WDR62: variants seen among roughly 807,000 people sequenced by gnomAD.
The protein encoded by WDR62 is WD repeat-containing protein 62.
A neutral mutation model predicts 160.6 loss-of-function variants in WDR62; 112 were observed. The ratio of observed to expected loss-of-function variants is 0.70; its 90% CI spans 0.60 to 0.82. The LOEUF (loss-of-function observed/expected upper bound fraction) is 0.82, where lower values mean the gene tolerates loss of function less well. Ranked by LOEUF, WDR62 falls within the 40% of genes least tolerant of loss-of-function variation. WDR62 has a pLI of 0.00. For missense variants in WDR62, 1,819 were observed against 1,983.8 expected (o/e 0.92, Z 1.58); for synonymous variants, 792 against 815.1 (o/e 0.97, Z 0.48).
At chr19:36,058,682 G>A in intron 1 of WDR62, 98 bp from the exon 2 acceptor site, 1 of 857,120 alleles carries the variant, frequency 1.2e-6, no homozygotes, top group Non-Finnish European at 2.0e-6. Context: ...CTCAGTGTGG[G>A]TGTTGAATGT....
chr19:36,096,462 T>C (rs1972960540), intron 20 of WDR62, among the ~76,000 whole-genome samples: 1 of 151,962 alleles, frequency 6.6e-6, no homozygotes, highest in Non-Finnish European at 1.5e-5. Flanking sequence ...TCCCAGCACT[T>C]TGGGAGGCCG....
chr19:36,081,947 CG>C (rs1190510109), intron 10 of WDR62: 2 of 452,258 alleles, frequency 4.4e-6, no homozygotes, highest in Non-Finnish European at 8.8e-6. Context: ...TGAGGCCTCA[CG>C]GGGGTATGGG....
At chr19:36,055,257 G>A in intron 1 of WDR62, 109 bp downstream of exon 1, 1 of 1,258,430 alleles carries the variant, frequency 7.9e-7, no homozygotes, top group Non-Finnish European at 1.1e-6. Flanking sequence ...GTCCCCTCAG[G>A]TTGTTCCCTG....
intron 2 of WDR62, among the ~76,000 whole-genome samples, chr19:36,059,518 C>T (rs1970535554): frequency 6.6e-6 from 1 of 152,162 alleles, no homozygotes; most frequent in African/African-American, 2.4e-5. Flanking sequence ...CAGCTCACTA[C>T]AGCCCCAACC....
In WDR62 at chr19:36,101,301, C is replaced by G. The variant is rs760376689; in HGVS notation, c.2955C>G (p.Asp985Glu). 1.9e-6 allele frequency: 3 copies of G among 1,611,112 alleles called. No individual in the cohort carries two copies. Among genetic ancestry groups the G allele is most frequent in the Non-Finnish European group, 2.5e-6 (3 of 1,179,166 alleles). The change falls in exon 24 of 32, where the codon GAC becomes GAG. Residue 985 changes from aspartate (D) to glutamate (E), a missense_variant. Physicochemically the swap from Asp to Glu is conservative, Grantham distance 45. This residue lies in a region of WDR62 where 770 missense variants were observed against 734.2 expected (regional missense o/e 1.05). Coordinates refer to ENST00000401500, the MANE Select transcript of WDR62 (RefSeq NM_001083961.2). ...GGGTGTCCTCCGACAGCCCAAAGGA[C>G]CAGAGCCCGCCTGAGGGTGAGTGCA... The part of the protein sequence containing the change: ...YLRVSSDSPK[D>E]QSPPEDSGES...
chr19:36,060,176 C>A, intron 3 of WDR62, 146 bp downstream of exon 3: 2 of 825,902 alleles, frequency 2.4e-6, no homozygotes, highest in Admixed American at 1.9e-5. Context: ...GTGCTGGGTG[C>A]TGTTCCGTGT....
Position 36,081,429 on chromosome 19 carries a change from G to A in WDR62, c.1234-4G>A, listed in dbSNP as rs1488532441. The A allele has an allele frequency of 6.2e-6, 10 of 1,613,848 alleles. No individual in the cohort carries two copies. Among genetic ancestry groups the A allele is most frequent in the African/African-American group, 1.3e-5 (1 of 74,942 alleles). ...TCCTTTGCCTTGTCCTCTGGGAACT[G>A]TAGGTGTATCCTGAGTTTGAAGACC... On this transcript the variant is annotated splice_region_variant and splice_polypyrimidine_tract_variant and intron_variant, in intron 9 of 31. Transcript: ENST00000401500.
At chr19:36,094,238 T>C (rs1972817186) in intron 20 of WDR62, 74 bp downstream of exon 20, 3 of 1,586,868 alleles carry the variant, frequency 1.9e-6, no homozygotes, top group Admixed American at 3.3e-5. Flanking sequence ...TGACCTTGTT[T>C]ACAGGGCCTG....
At chr19:36,088,587 A>G (rs1972395366) in intron 13 of WDR62, among the ~76,000 whole-genome samples, 1 of 152,226 alleles carries the variant, frequency 6.6e-6, no homozygotes, top group African/African-American at 2.4e-5. Context: ...ATGCTTGTCC[A>G]GTGGGATGGG....
Position 36,104,937 on chromosome 19 carries a change from A to AC in WDR62, c.4486dup (p.Leu1496ProfsTer50). The AC allele has an allele frequency of 6.2e-7, 1 of 1,608,100 alleles. No homozygotes were observed. Among genetic ancestry groups the AC allele is most frequent in the Non-Finnish European group, 8.5e-7 (1 of 1,178,682 alleles). On this transcript the variant is annotated frameshift_variant, in exon 32 of 32. Coordinates refer to ENST00000401500, the MANE Select transcript of WDR62 (RefSeq NM_001083961.2). LOFTEE classifies it high-confidence loss of function. The stretch of plus-strand genomic sequence containing the variant: ...GGACCCCCGTCCCCACCGACGCTGT[A>AC]CCCCCTGGCCAGCCCAGACCTGCAG...
intron 30 of WDR62, 143 bp from the exon 31 acceptor site, chr19:36,104,375 C>T (rs756628356): frequency 1.0e-5 from 11 of 1,072,556 alleles, no homozygotes; most frequent in Non-Finnish European, 1.3e-5. Context: ...GAGCAGAGAC[C>T]TGTAGGAGTG....
intron 12 of WDR62, 97 bp from the exon 13 acceptor site, chr19:36,086,590 T>G (rs1283887637): frequency 7.5e-6 from 11 of 1,470,362 alleles, no homozygotes; most frequent in Non-Finnish European, 1.0e-5. Context: ...CAAAGACCCC[T>G]TCTCCGAGGA....
intron 7 of WDR62, among the ~76,000 whole-genome samples, chr19:36,068,503 G>GGGCTTC (rs1971067885): frequency 1.3e-5 from 2 of 152,208 alleles, no homozygotes; most frequent in African/African-American, 4.8e-5. Context: ...AGGACCCTGC[G>GGGCTTC]GGCTTCCGCA....
At chr19:36,103,305 C>G (rs748091673) in intron 29 of WDR62, 38 bp from the exon 30 acceptor site, 3 of 1,613,008 alleles carry the variant, frequency 1.9e-6, no homozygotes, top group East Asian at 4.5e-5. Context: ...GCCATCAGTT[C>G]TGTGTGGTGG....
At chr19:36,082,669 C>T (rs946832543) in intron 10 of WDR62, among the ~76,000 whole-genome samples, 3 of 152,188 alleles carry the variant, frequency 2.0e-5, no homozygotes, top group African/African-American at 7.2e-5. Flanking sequence ...TGAAAGTAGT[C>T]TGAAGGTAAC....
intron 5 of WDR62, among the ~76,000 whole-genome samples, chr19:36,067,012 T>TC (rs1215778330): frequency 6.6e-6 from 1 of 152,276 alleles, no homozygotes; most frequent in East Asian, 1.9e-4. Flanking sequence ...TGTCCTTACA[T>TC]CCCAGCCGTG....
chr19:36,087,922 C>T (rs1972348825), intron 13 of WDR62, among the ~76,000 whole-genome samples: 2 of 152,206 alleles, frequency 1.3e-5, no homozygotes, highest in African/African-American at 4.8e-5. Context: ...ATAGCAGAGA[C>T]TGTTCTAATT....
In WDR62 at chr19:36,092,827, G is replaced by A; in HGVS notation, c.2333+16G>A. The A allele has an allele frequency of 6.2e-7, 1 of 1,613,758 alleles. No individual in the cohort carries two copies. The highest frequency in any genetic ancestry group is 8.5e-7 in the Non-Finnish European group (1 of 1,179,858). Reference sequence around the variant, plus strand: ...GCCACCCCAGGTCCTGGCAGCCCCTGCCTGTCCACCAGAGGGATGAGTCCC... The same window carrying A: ...GCCACCCCAGGTCCTGGCAGCCCCTACCTGTCCACCAGAGGGATGAGTCCC... On this transcript the variant is annotated intron_variant, in intron 19 of 31. Coordinates refer to ENST00000401500, the MANE Select transcript of WDR62 (RefSeq NM_001083961.2).
In WDR62 at chr19:36,102,059, C is replaced by T; in HGVS notation, c.3128C>T (p.Pro1043Leu). Residue 1043 changes from proline (P) to leucine (L), a missense_variant, in exon 26 of 32, where the codon CCC becomes CTC. By Grantham distance (98) the Pro-to-Leu change is moderately conservative. This residue lies in a region of WDR62 where 770 missense variants were observed against 734.2 expected (regional missense o/e 1.05). Coordinates refer to ENST00000401500, the MANE Select transcript of WDR62 (RefSeq NM_001083961.2). Reference protein sequence around the residue: ...TEDELSLPEGPSVPSSSLPQT... With the variant: ...TEDELSLPEGLSVPSSSLPQT... ...GATGAGCTGTCCCTGCCCGAGGGACCCAGCGTCCCCAGCAGCTCCCTACCC... is the reference window on the plus strand; with the variant it reads ...GATGAGCTGTCCCTGCCCGAGGGACTCAGCGTCCCCAGCAGCTCCCTACCC... 2 of 1,614,144 alleles carry T rather than the reference C, an allele frequency of 1.2e-6. No homozygotes were observed. Among genetic ancestry groups the T allele is most frequent in the Admixed American group, 1.7e-5 (1 of 60,018 alleles).
Sources: gnomAD v4.1 joint callset for allele counts (sites outside exome capture counted in the v4.1 genomes callset) on GRCh38, gnomAD v4.1.1 for gene constraint, gnomAD v4.1.1 regional missense constraint, MANE v1.5 for transcripts, NCBI Gene and HGNC (gene_info 2026-07-23, HGNC 2026-07-21) for gene names.